The following UBE2QL1 variants were observed in gnomAD, a reference collection of about 807,000 sequenced individuals.
The protein encoded by UBE2QL1 is ubiquitin conjugating enzyme E2 QL1, also known as ubiquitin-conjugating enzyme E2Q-like protein 1.
In UBE2QL1, 5 loss-of-function variants were observed where a neutral mutation model predicts 12.6. The observed-to-expected ratio is 0.40, with a 90% confidence interval of 0.21 to 0.83. The LOEUF (loss-of-function observed/expected upper bound fraction) is 0.83. Among genes scored for constraint, UBE2QL1 ranks in the 40% least tolerant of loss-of-function variants. The pLI, the probability that UBE2QL1 is intolerant of heterozygous loss-of-function variation, is 0.37. For synonymous variants in UBE2QL1, 96 were observed against 94.5 expected (o/e 1.02, Z -0.10); for missense variants, 99 against 222.6 (o/e 0.44, Z 3.53).
intron 1 of UBE2QL1, among the ~76,000 whole-genome samples, chr5:6,468,482 G>A (rs763704347): frequency 6.6e-6 from 1 of 152,188 alleles, no homozygotes; most frequent in Non-Finnish European, 1.5e-5. Flanking sequence ...GGGCTGACTG[G>A]TGGATCCTTA....
chr5:6,450,739 C>G (rs1452783832), intron 1 of UBE2QL1, among the ~76,000 whole-genome samples: 1 of 152,154 alleles, frequency 6.6e-6, no homozygotes, highest in East Asian at 1.9e-4. Flanking sequence ...AATTCCTGAC[C>G]CATCCTGCCA....
chr5:6,463,321 G>A (rs927129399), intron 1 of UBE2QL1, among the ~76,000 whole-genome samples: 1 of 152,140 alleles, frequency 6.6e-6, no homozygotes, highest in Non-Finnish European at 1.5e-5. Context: ...CTAAAGAAAG[G>A]CTGGGGAAAG....
At chr5:6,457,238 C>G (rs1739544807) in intron 1 of UBE2QL1, among the ~76,000 whole-genome samples, 1 of 151,968 alleles carries the variant, frequency 6.6e-6, no homozygotes, top group South Asian at 2.1e-4. Flanking sequence ...CTGGAAGCCC[C>G]TCTTGCCCAT....
chr5:6,453,919 C>T (rs1159113939), intron 1 of UBE2QL1, among the ~76,000 whole-genome samples: 2 of 152,304 alleles, frequency 1.3e-5, no homozygotes, highest in African/African-American at 4.8e-5. Flanking sequence ...TCCCCTCTAT[C>T]ACCCAGGCTG....
intron 1 of UBE2QL1, among the ~76,000 whole-genome samples, chr5:6,484,535 G>A (rs1478577892): frequency 1.3e-5 from 2 of 152,168 alleles, no homozygotes; most frequent in African/African-American, 2.4e-5. Context: ...TCGTTGCAAA[G>A]GTTGCCCAGG....
intron 1 of UBE2QL1, among the ~76,000 whole-genome samples, chr5:6,486,689 G>A (rs765035342): frequency 3.3e-5 from 5 of 152,216 alleles, no homozygotes; most frequent in Non-Finnish European, 5.9e-5. Context: ...AAGACCTGCA[G>A]CAATCGTCTG....
intron 1 of UBE2QL1, among the ~76,000 whole-genome samples, chr5:6,462,245 C>A (rs1250566026): frequency 6.6e-6 from 1 of 152,146 alleles, no homozygotes; most frequent in East Asian, 1.9e-4. Context: ...AATGGGCTAC[C>A]CTGAGAGTCA....
intron 1 of UBE2QL1, among the ~76,000 whole-genome samples, chr5:6,489,771 G>A (rs899651045): frequency 1.3e-5 from 2 of 152,218 alleles, no homozygotes; most frequent in Non-Finnish European, 2.9e-5. Context: ...CAGGTGGATC[G>A]TGCTTGCTGG....
rs764357062 is a variant in UBE2QL1, at chr5:6,494,201, T to G, written c.*2852T>G. The G allele has an allele frequency of 6.6e-6, 1 of 152,230 alleles. No individual in the cohort carries two copies. The highest frequency in any genetic ancestry group is 1.5e-5 in the Non-Finnish European group (1 of 68,062). 9.4% of individuals were successfully genotyped at this position (152,230 alleles called of 1,614,324 possible). A position where few individuals can be genotyped will look rare whatever the true frequency, so the allele number is the denominator to read the frequency against. On this transcript the variant is annotated 3_prime_UTR_variant, in exon 2 of 2. Transcript: ENST00000399816. ...CCTTGTTATTGGGTATCTTCTCCACTGCTGGGTAAGGCCTGCACATGGTCT... is the reference window on the plus strand; with the variant it reads ...CCTTGTTATTGGGTATCTTCTCCACGGCTGGGTAAGGCCTGCACATGGTCT...
chr5:6,482,209 C>T (rs953144796), intron 1 of UBE2QL1, among the ~76,000 whole-genome samples: 7 of 152,188 alleles, frequency 4.6e-5, no homozygotes, highest in Non-Finnish European at 1.0e-4. Flanking sequence ...GGAACAGAGT[C>T]CTGGAGCAGA....
intron 1 of UBE2QL1, among the ~76,000 whole-genome samples, chr5:6,475,757 T>G (rs902748597): frequency 6.6e-6 from 1 of 151,880 alleles, no homozygotes; most frequent in Non-Finnish European, 1.5e-5. Flanking sequence ...GCATTAGACT[T>G]CAGCCTTGAA....
intron 1 of UBE2QL1, among the ~76,000 whole-genome samples, chr5:6,480,026 C>T (rs1384716499): frequency 6.6e-6 from 1 of 152,246 alleles, no homozygotes; most frequent in Non-Finnish European, 1.5e-5. Flanking sequence ...AATTGGTGGC[C>T]AAGGAGCATC....
In UBE2QL1 at chr5:6,491,540, G is replaced by A. The variant is rs992941483; in HGVS notation, c.*191G>A. 14 of 643,278 alleles carry A rather than the reference G, an allele frequency of 2.2e-5. No homozygotes were observed. Among genetic ancestry groups the A allele is most frequent in the South Asian group, 1.2e-4 (3 of 25,066 alleles). The allele number at this position is 643,278 out of a possible 1,614,324, so 39.8% of individuals were successfully genotyped here. A position where few individuals can be genotyped will look rare whatever the true frequency, so the allele number is the denominator to read the frequency against. ...GAGGAAGAGGGAGCAAATGCCGTTC[G>A]GATTATGTTTCGATTATAAATGAAT... is the stretch of plus-strand genomic sequence containing the variant. On this transcript the variant is annotated 3_prime_UTR_variant, in exon 2 of 2. Coordinates refer to ENST00000399816, the MANE Select transcript of UBE2QL1 (RefSeq NM_001145161.3).
In UBE2QL1 at chr5:6,492,836, A is replaced by G. The variant is rs540552993; in HGVS notation, c.*1487A>G. 6 of 152,342 alleles carry G rather than the reference A, an allele frequency of 3.9e-5. 1 individual carries two copies. Among genetic ancestry groups the G allele is most frequent in the South Asian group, 2.1e-4 (1 of 4,824 alleles). 9.4% of individuals were successfully genotyped at this position (152,342 alleles called of 1,614,324 possible). On this transcript the variant is annotated 3_prime_UTR_variant, in exon 2 of 2. Coordinates refer to ENST00000399816, the MANE Select transcript of UBE2QL1 (RefSeq NM_001145161.3). ...ATTCGATCAAGTTCAGATGTTGCCA[A>G]TTGTATCTTACTGCTGTGAAGGAGG...
chr5:6,480,018 T>G (rs272466), intron 1 of UBE2QL1, among the ~76,000 whole-genome samples: 149,374 of 152,344 alleles, frequency 0.98, 73,297 homozygotes, highest in Middle Eastern at 1. Context: ...ACACAGGTAA[T>G]TGGTGGCCAA....
chr5:6,472,349 G>A (rs1739930044), intron 1 of UBE2QL1, among the ~76,000 whole-genome samples: 1 of 152,166 alleles, frequency 6.6e-6, no homozygotes, highest in African/African-American at 2.4e-5. Flanking sequence ...AAGAGCACGA[G>A]CCTCGGTATG....
rs561777922 is a variant in UBE2QL1, at chr5:6,495,523, C to G, written c.*4174C>G. 6.6e-6 allele frequency among the ~76,000 whole-genome samples: 1 copy of G among 152,250 alleles called. No homozygotes were observed. Among genetic ancestry groups the G allele is most frequent in the South Asian group, 2.1e-4 (1 of 4,816 alleles). On this transcript the variant is annotated 3_prime_UTR_variant, in exon 2 of 2. Transcript: ENST00000399816. ...ACTGCCTTACTGTGGCTTTCTGATCCTTTATGTTGCTTCATGAGACTATTA... is the reference window on the plus strand; with the variant it reads ...ACTGCCTTACTGTGGCTTTCTGATCGTTTATGTTGCTTCATGAGACTATTA...
chr5:6,465,272 C>A (rs931276870), intron 1 of UBE2QL1, among the ~76,000 whole-genome samples: 2 of 152,124 alleles, frequency 1.3e-5, no homozygotes, highest in Non-Finnish European at 1.5e-5. Flanking sequence ...CAAGCATGAG[C>A]CACCACGCAC....
At chr5:6,482,920 C>T (rs1428148323) in intron 1 of UBE2QL1, among the ~76,000 whole-genome samples, 1 of 152,200 alleles carries the variant, frequency 6.6e-6, no homozygotes, top group Non-Finnish European at 1.5e-5. Context: ...CCTGCTCCTG[C>T]AGAGATGCCA....
Sources: allele counts gnomAD v4.1 joint callset (sites outside exome capture counted in the v4.1 genomes callset), GRCh38; gene constraint gnomAD v4.1.1; transcripts MANE v1.5; gene names NCBI Gene and HGNC (gene_info 2026-07-23, HGNC 2026-07-21).